ASTN1: variants seen among roughly 807,000 people sequenced by gnomAD.
The protein encoded by ASTN1 is astrotactin 1.
ASTN1 carries 41 observed loss-of-function variants against 140.7 expected under a neutral mutation model. The observed-to-expected ratio is 0.29, with a 90% confidence interval of 0.23 to 0.38. ASTN1 has a LOEUF of 0.38. Ranked by LOEUF, ASTN1 falls within the 10% of genes least tolerant of loss-of-function variation. The probability of loss-of-function intolerance (pLI) is 1.00; values close to 1 mark genes in which losing one functional copy is unlikely to be tolerated. For missense variants in ASTN1, 1,479 were observed against 1,678.8 expected, an observed-to-expected ratio of 0.88 and a Z score of 2.08; for synonymous variants, 640 against 652.2, an observed-to-expected ratio of 0.98 and a Z score of 0.29.
At chr1:176,960,348 AT>A (rs1201281234) in intron 9 of ASTN1, among the ~76,000 whole-genome samples, 2 of 152,186 alleles carry the variant, frequency 1.3e-5, no homozygotes, top group African/African-American at 2.4e-5. Context: ...GAACATAGAA[AT>A]AAAATTTTGT....
At chr1:176,940,519 C>T (rs1390803128) in intron 14 of ASTN1, among the ~76,000 whole-genome samples, 3 of 152,320 alleles carry the variant, frequency 2.0e-5, no homozygotes, top group Non-Finnish European at 2.9e-5. Flanking sequence ...CTTTCTCAAC[C>T]GACAGCCTCC....
At chr1:177,051,017 A>G (rs1376612014) in intron 2 of ASTN1, among the ~76,000 whole-genome samples, 1 of 152,226 alleles carries the variant, frequency 6.6e-6, no homozygotes, top group Non-Finnish European at 1.5e-5. Context: ...TGTCAAGTCG[A>G]AGCATAGTTT....
At chr1:177,015,724 C>T (rs1238944901) in intron 7 of ASTN1, among the ~76,000 whole-genome samples, 1 of 152,104 alleles carries the variant, frequency 6.6e-6, no homozygotes, top group African/African-American at 2.4e-5. Flanking sequence ...GGTCCCATAA[C>T]ATTCATCTTA....
chr1:177,047,652 G>C (rs1410106160), intron 2 of ASTN1, among the ~76,000 whole-genome samples: 1 of 152,120 alleles, frequency 6.6e-6, no homozygotes, highest in Non-Finnish European at 1.5e-5. Flanking sequence ...GGTGAGGGGG[G>C]TCTGCACTCA....
At chr1:176,953,854 A>T (rs532532753) in intron 11 of ASTN1, among the ~76,000 whole-genome samples, 1 of 152,338 alleles carries the variant, frequency 6.6e-6, no homozygotes, top group East Asian at 1.9e-4. Flanking sequence ...ACCTGTGTAC[A>T]TTCTTACGTC....
intron 8 of ASTN1, among the ~76,000 whole-genome samples, chr1:177,000,162 G>C (rs556726430): frequency 3.3e-5 from 5 of 152,130 alleles, no homozygotes; most frequent in Non-Finnish European, 7.4e-5. Flanking sequence ...CTTCAGTCTT[G>C]AATACACTTT....
chr1:177,106,612 A>G (rs531614723), intron 1 of ASTN1, among the ~76,000 whole-genome samples: 2 of 152,304 alleles, frequency 1.3e-5, no homozygotes, highest in South Asian at 2.1e-4. Flanking sequence ...AGGGCCAAAG[A>G]TATGTTAACA....
intron 16 of ASTN1, among the ~76,000 whole-genome samples, chr1:176,903,750 G>A (rs6668625): frequency 0.21 from 31,631 of 152,026 alleles, 3,457 homozygotes; most frequent in Middle Eastern, 0.28. Flanking sequence ...ATAACAAACC[G>A]TCAGCAATTG....
At chr1:176,957,269 C>T (rs1571565595) in intron 11 of ASTN1, among the ~76,000 whole-genome samples, 2 of 152,218 alleles carry the variant, frequency 1.3e-5, no homozygotes, top group East Asian at 3.9e-4. Flanking sequence ...GTGCTCATTG[C>T]TGTGGTCACA....
At chr1:176,953,212 G>A (rs1324972121) in intron 11 of ASTN1, among the ~76,000 whole-genome samples, 1 of 152,206 alleles carries the variant, frequency 6.6e-6, no homozygotes, top group African/African-American at 2.4e-5. Flanking sequence ...ATCTCAGGAA[G>A]ACTCACTAAG....
At chr1:176,880,574 C>A (rs1668753527) in intron 20 of ASTN1, among the ~76,000 whole-genome samples, 1 of 152,162 alleles carries the variant, frequency 6.6e-6, no homozygotes, top group African/African-American at 2.4e-5. Context: ...AGTAGGAGTT[C>A]TTCGCTGTTT....
chr1:176,888,329 A>T (rs1557936872), intron 17 of ASTN1, 125 bp from the exon 18 acceptor site: 10 of 1,127,974 alleles, frequency 8.9e-6, no homozygotes, highest in Non-Finnish European at 1.3e-5. Flanking sequence ...TTGTGTCGCC[A>T]CTTTATCATT....
intron 20 of ASTN1, among the ~76,000 whole-genome samples, chr1:176,881,752 A>G (rs1398374308): frequency 1.3e-5 from 2 of 152,212 alleles, no homozygotes; most frequent in African/African-American, 4.8e-5. Flanking sequence ...CTTTACTTTC[A>G]TCATGCATAG....
chr1:177,062,375 G>A (rs1163551752), intron 1 of ASTN1, among the ~76,000 whole-genome samples: 1 of 151,506 alleles, frequency 6.6e-6, no homozygotes, highest in African/African-American at 2.4e-5. Context: ...CAAGTAGCAG[G>A]GACCACAGAC....
At chr1:177,130,265 G>A (rs1393404684) in intron 1 of ASTN1, among the ~76,000 whole-genome samples, 1 of 152,204 alleles carries the variant, frequency 6.6e-6, no homozygotes, top group African/African-American at 2.4e-5. Context: ...GGCTTTGGCA[G>A]TGCATGGCAG....
In ASTN1 at chr1:177,029,665, C is replaced by T. The variant is rs373671369; in HGVS notation, c.1089G>A (p.Thr363=). The change falls in exon 5 of 23, where the codon ACG becomes ACA. Residue 363 remains threonine, a synonymous_variant. Transcript: ENST00000361833. ...AENDPQLTFY[T]DPSRSRRRSR... ...TACGCCTCCTGCTCCTTGAAGGATC[C>T]GTGTAAAAGGTCAGCTGGGGGTCGT... 2.1e-5 allele frequency: 34 copies of T among 1,613,698 alleles called. 1 individual carries two copies. The highest frequency in any genetic ancestry group is 5.5e-5 in the South Asian group (5 of 90,938).
At position 177,029,771 on chromosome 1, in the gene ASTN1, C is replaced by G. The variant is rs772064286; in HGVS notation, c.1013-30G>C. On this transcript the variant is annotated intron_variant, in intron 4 of 22. Transcript: ENST00000361833. ...AATGAAAGCAGCATGGTCAAGAAAG[C>G]GTTTTCAGTTCTGGTTTCATGACAC... 3 of 1,582,112 alleles carry G rather than the reference C, an allele frequency of 1.9e-6. No homozygotes were observed. The South Asian group carries it at 3.4e-5, about 18-fold the overall frequency.
chr1:176,911,744 C>A (rs1272334586), intron 16 of ASTN1, among the ~76,000 whole-genome samples: 1 of 152,054 alleles, frequency 6.6e-6, no homozygotes, highest in Non-Finnish European at 1.5e-5. Context: ...TTACAGTTAA[C>A]CTTTAAAAAA....
At chr1:176,979,314 A>G (rs1402212360) in intron 8 of ASTN1, among the ~76,000 whole-genome samples, 4 of 152,158 alleles carry the variant, frequency 2.6e-5, no homozygotes, top group Non-Finnish European at 4.4e-5. Context: ...GATAAGAGCA[A>G]TGGTGGCTGA....
Sources: allele counts gnomAD v4.1 joint callset (sites outside exome capture counted in the v4.1 genomes callset), GRCh38; gene constraint gnomAD v4.1.1; transcripts MANE v1.5; gene names NCBI Gene and HGNC (gene_info 2026-07-23, HGNC 2026-07-21).